The following FKBP1A variants were observed in gnomAD, a reference collection of about 807,000 sequenced individuals.
FKBP1A encodes peptidyl-prolyl cis-trans isomerase FKBP1A.
FKBP1A carries 5 observed loss-of-function variants against 14.2 expected under a neutral mutation model. The observed-to-expected ratio is 0.35, with a 90% CI of 0.18 to 0.74. The LOEUF is 0.74. FKBP1A is among the 30% of genes least tolerant of loss of function. The probability of loss-of-function intolerance (pLI) is 0.56; values close to 1 mark genes in which losing one functional copy is unlikely to be tolerated. For missense variants in FKBP1A, 53 were observed against 138.8 expected (o/e 0.38, Z 3.10); for synonymous variants, 42 against 49.1 (o/e 0.86, Z 0.60).
At chr20:1,371,144 G>C in intron 4 of FKBP1A, 1 of 985,434 alleles carries the variant, frequency 1.0e-6, no homozygotes, top group South Asian at 4.7e-5. Flanking sequence ...TGACCCTCTG[G>C]TTCCTATGGC....
intron 2 of FKBP1A, among the ~76,000 whole-genome samples, chr20:1,391,098 T>C (rs2089730590): frequency 1.3e-5 from 2 of 152,132 alleles, no homozygotes; most frequent in African/African-American, 2.4e-5. Flanking sequence ...TCCAGTCCTG[T>C]TGGCAGCACC....
Position 1,370,008 on chromosome 20 carries a change from C to A in FKBP1A, c.*101G>T, listed in dbSNP as rs935838301. On this transcript the variant is annotated 3_prime_UTR_variant, in exon 5 of 5. Transcript: ENST00000400137. ...GTCTATACAAAGTGGAGTGGAACATCAGGAAAAGCTCCATATGGATTCATG... is the reference window on the plus strand; with the variant it reads ...GTCTATACAAAGTGGAGTGGAACATAAGGAAAAGCTCCATATGGATTCATG... 1.3e-6 allele frequency: 2 copies of A among 1,549,380 alleles called. No individual in the cohort carries two copies. Among genetic ancestry groups the A allele is most frequent in the African/African-American group, 2.7e-5 (2 of 73,016 alleles).
chr20:1,385,682 C>T (rs998282732), intron 2 of FKBP1A, among the ~76,000 whole-genome samples: 7 of 152,142 alleles, frequency 4.6e-5, no homozygotes, highest in Admixed American at 2.0e-4. Flanking sequence ...GTCAAGCCTC[C>T]GCCCCTACCA....
intron 2 of FKBP1A, chr20:1,376,968 T>C (rs1464188511): frequency 1.3e-5 from 2 of 152,224 alleles, no homozygotes; most frequent in Non-Finnish European, 2.9e-5. Flanking sequence ...TTGTGATAGC[T>C]GACACTGAGT....
intron 2 of FKBP1A, chr20:1,376,711 A>G (rs1243194147): frequency 1.3e-5 from 2 of 152,206 alleles, no homozygotes; most frequent in Non-Finnish European, 2.9e-5. Flanking sequence ...TTACTATTAT[A>G]AAAATAGTAA....
chr20:1,383,791 C>T (rs896989542), intron 2 of FKBP1A, among the ~76,000 whole-genome samples: 2 of 150,520 alleles, frequency 1.3e-5, no homozygotes, highest in South Asian at 2.1e-4. Context: ...GAGCTATGAC[C>T]GCACAAGTAC....
In FKBP1A at chr20:1,386,139, T is replaced by C. The variant is rs1309020774; in HGVS notation, c.85+6695A>G. ...TACAGAAATATCAAAGGTACCCTTT[T>C]CTCCTCCTGGCCTGTGTATATACCT... On this transcript the variant is annotated intron_variant, in intron 2 of 4. Coordinates refer to ENST00000400137, the MANE Select transcript of FKBP1A (RefSeq NM_000801.5). This position sits in a 1 kb window ranked among gnomAD's most constrained non-coding sequence, Gnocchi z 4.7. 6.6e-6 allele frequency among the ~76,000 whole-genome samples: 1 copy of C among 152,228 alleles called. No homozygotes were observed. The highest frequency in any genetic ancestry group is 2.4e-5 in the African/African-American group (1 of 41,446).
chr20:1,393,020 G>T lies in FKBP1A; in HGVS notation c.-22C>A. 1 of 1,448,400 alleles carries T rather than the reference G, an allele frequency of 6.9e-7. No homozygotes were observed. The highest frequency in any genetic ancestry group is 9.1e-7 in the Non-Finnish European group (1 of 1,100,578). The allele number at this position is 1,448,400 out of a possible 1,614,324, so 89.7% of individuals were successfully genotyped here. A position where few individuals can be genotyped will look rare whatever the true frequency, so the allele number is the denominator to read the frequency against. On this transcript the variant is annotated 5_prime_UTR_variant, in exon 1 of 5. Transcript: ENST00000400137. ...CCATGGCGGCGGCGGACGCTGAGCG[G>T]GCGGGCGGCGCGACGGGCGGCGTGG...
rs531005024 is a variant in FKBP1A at position 1,386,017 on chromosome 20, A to G, written c.85+6817T>C. Among the ~76,000 whole-genome samples, 1 of 152,330 alleles carries G rather than the reference A, an allele frequency of 6.6e-6. No homozygotes were observed. The highest frequency in any genetic ancestry group is 2.1e-4 in the South Asian group (1 of 4,826). On this transcript the variant is annotated intron_variant, in intron 2 of 4. Coordinates refer to ENST00000400137, the MANE Select transcript of FKBP1A (RefSeq NM_000801.5). This position sits in a 1 kb window ranked among gnomAD's most constrained non-coding sequence, Gnocchi z 4.7. Reference sequence around the variant, plus strand: ...TCATATTTATTATGTCTTTTCCACTACAGTGTGAGATGAAGGCAGGAACTG... The same window carrying G: ...TCATATTTATTATGTCTTTTCCACTGCAGTGTGAGATGAAGGCAGGAACTG...
rs1444607057 is a variant in FKBP1A, at chr20:1,370,641, TCCTTC to T, written c.*37-574_*37-570del. 6.1e-6 allele frequency: 6 copies of T among 985,444 alleles called. No individual in the cohort carries two copies. The South Asian group carries it at 2.3e-4, about 39-fold the overall frequency. The allele number at this position is 985,444 out of a possible 1,614,324, so 61.0% of individuals were successfully genotyped here. A position where few individuals can be genotyped will look rare whatever the true frequency, so the allele number is the denominator to read the frequency against. Reference sequence around the variant, plus strand: ...ACTTTCTGGGTTTGCCCTTGGATTTTCCTTCCAGACTCTTGCAAGAAGCTGAGACA... The same window carrying T: ...ACTTTCTGGGTTTGCCCTTGGATTTTCAGACTCTTGCAAGAAGCTGAGACA... On this transcript the variant is annotated intron_variant, in intron 4 of 4. Transcript: ENST00000400137.
intron 2 of FKBP1A, among the ~76,000 whole-genome samples, chr20:1,382,326 G>T (rs2089626504): frequency 6.6e-6 from 1 of 152,192 alleles, no homozygotes; most frequent in African/African-American, 2.4e-5. Flanking sequence ...CAAGACAGCT[G>T]ACAGTCTTTA....
chr20:1,384,018 CT>C lies in FKBP1A; in HGVS notation c.86-8416del, dbSNP rs2089645429. On this transcript the variant is annotated intron_variant, in intron 2 of 4. Coordinates refer to ENST00000400137, the MANE Select transcript of FKBP1A (RefSeq NM_000801.5). ...TAGACACAGAAGTTCTCTTAACCAC[CT>C]TTTACTCAGCTGCCTTACTTGGAGA... 4.6e-5 allele frequency among the ~76,000 whole-genome samples: 7 copies of C among 152,226 alleles called. No homozygotes were observed. The South Asian group carries it at 1.5e-3, about 32-fold the overall frequency.
intron 2 of FKBP1A, among the ~76,000 whole-genome samples, chr20:1,387,487 A>G (rs773598115): frequency 8.4e-4 from 128 of 152,226 alleles, no homozygotes; most frequent in Non-Finnish European, 1.3e-3. Flanking sequence ...AGGGGGAAAA[A>G]GTCACTTGCC....
intron 4 of FKBP1A, chr20:1,370,616 A>ATT: frequency 2.0e-6 from 2 of 985,406 alleles, no homozygotes; most frequent in Non-Finnish European, 1.2e-6. Flanking sequence ...TCAACTTAAA[A>ATT]CTTTCTGGGT....
chr20:1,372,340 G>A, intron 3 of FKBP1A, 100 bp from the exon 4 acceptor site: 2 of 1,312,450 alleles, frequency 1.5e-6, no homozygotes, highest in Admixed American at 2.0e-5. Flanking sequence ...GGCCAGGATG[G>A]TATTGACTTT....
chr20:1,373,813 G>C (rs1011578654), intron 3 of FKBP1A, among the ~76,000 whole-genome samples: 4 of 151,960 alleles, frequency 2.6e-5, no homozygotes, highest in Non-Finnish European at 5.9e-5. Flanking sequence ...AAAGATGGGG[G>C]ATGGGCTACA....
chr20:1,392,781 C>T, intron 2 of FKBP1A, 53 bp downstream of exon 2: 4 of 1,394,888 alleles, frequency 2.9e-6, no homozygotes, highest in South Asian at 1.4e-5. Flanking sequence ...GCCAGCCGCA[C>T]CCGGGCTGCG....
intron 2 of FKBP1A, chr20:1,391,799 T>G (rs1291868805): frequency 2.0e-4 from 64 of 315,702 alleles, no homozygotes; most frequent in African/African-American, 6.0e-4. Context: ...GAGGAAAGGG[T>G]GGGAAGGTTG....
chr20:1,392,533 TCA>T (rs1187055020), intron 2 of FKBP1A, among the ~76,000 whole-genome samples: 8 of 152,122 alleles, frequency 5.3e-5, no homozygotes, highest in Non-Finnish European at 8.8e-5. Flanking sequence ...TCGCCAAGCC[TCA>T]GTTTCCTCAT....
Sources: gnomAD v4.1 joint callset for allele counts (sites outside exome capture counted in the v4.1 genomes callset) on GRCh38, gnomAD v4.1.1 for gene constraint, Gnocchi (gnomAD v3.1) non-coding constraint, MANE v1.5 for transcripts, NCBI Gene and HGNC (gene_info 2026-07-23, HGNC 2026-07-21) for gene names.